Variants in AGBL1 observed in about 807,000 individuals in gnomAD.
The protein encoded by AGBL1 is cytosolic carboxypeptidase 4.
A neutral mutation model predicts 118.9 loss-of-function variants in AGBL1; 130 were observed. The ratio of observed to expected loss-of-function variants is 1.09; its 90% CI spans 0.95 to 1.26. The LOEUF (loss-of-function observed/expected upper bound fraction) is 1.26, where lower values mean the gene tolerates loss of function less well. AGBL1 is among the 50% of genes most tolerant of loss of function. The pLI is 0.00. For synonymous variants in AGBL1, 555 were observed against 478.9 expected, an observed-to-expected ratio of 1.16 and a Z score of -2.08; for missense variants, 1,584 against 1,298.1, an observed-to-expected ratio of 1.22 and a Z score of -3.38.
chr15:86,222,974 G>T (rs992461574), intron 5 of AGBL1, among the ~76,000 whole-genome samples: 7 of 152,104 alleles, frequency 4.6e-5, no homozygotes, highest in African/African-American at 1.7e-4. Context: ...AGCAGGCCAG[G>T]GATGTGGTTT....
At chr15:86,474,751 A>T (rs374302318) in intron 18 of AGBL1, among the ~76,000 whole-genome samples, 1 of 152,232 alleles carries the variant, frequency 6.6e-6, no homozygotes, top group South Asian at 2.1e-4. Flanking sequence ...ATGGAGGTTG[A>T]GACCTGAGAA....
At chr15:86,244,281 A>G (rs144899387) in intron 6 of AGBL1, among the ~76,000 whole-genome samples, 2 of 152,250 alleles carry the variant, frequency 1.3e-5, no homozygotes, top group East Asian at 3.9e-4. Context: ...CCAGAGCAGT[A>G]TTCAAAAATG....
chr15:86,483,672 C>A (rs892199118), intron 18 of AGBL1, among the ~76,000 whole-genome samples: 7 of 152,102 alleles, frequency 4.6e-5, no homozygotes, highest in South Asian at 4.1e-4. Context: ...CAATCACTGT[C>A]TATTGTCATT....
At chr15:86,682,990 C>G (rs1291509805) in intron 22 of AGBL1, among the ~76,000 whole-genome samples, 3 of 152,068 alleles carry the variant, frequency 2.0e-5, no homozygotes, top group African/African-American at 7.2e-5. Flanking sequence ...ACTGCACTGG[C>G]ATTTGAATCT....
intron 22 of AGBL1, among the ~76,000 whole-genome samples, chr15:86,763,471 A>G (rs1187104895): frequency 3.3e-5 from 5 of 152,042 alleles, no homozygotes; most frequent in African/African-American, 1.2e-4. Context: ...ACACATATTT[A>G]AAGATGATGG....
chr15:86,460,785 C>T (rs1487442743), intron 18 of AGBL1, among the ~76,000 whole-genome samples: 3 of 152,190 alleles, frequency 2.0e-5, no homozygotes, highest in East Asian at 1.9e-4. Flanking sequence ...TCCTTTAGTG[C>T]TGGTTCTGTG....
At chr15:86,446,303 C>T (rs2082119763) in intron 18 of AGBL1, among the ~76,000 whole-genome samples, 2 of 152,140 alleles carry the variant, frequency 1.3e-5, no homozygotes, top group Admixed American at 1.3e-4. Flanking sequence ...GAGCTGGCTG[C>T]ACAGTTGTTC....
At chr15:86,117,315 CT>C (rs954225504) in intron 1 of AGBL1, among the ~76,000 whole-genome samples, 75 of 152,014 alleles carry the variant, frequency 4.9e-4, no homozygotes, top group Admixed American at 2.2e-3. Context: ...TCCTGACCAA[CT>C]TTTTTTTCCC....
chr15:86,629,846 AAAG>A (rs1307831698), intron 21 of AGBL1, among the ~76,000 whole-genome samples: 4 of 152,342 alleles, frequency 2.6e-5, no homozygotes, highest in Non-Finnish European at 4.4e-5. Context: ...AAAAGGAAAA[AAAG>A]AGAAAGAAGA....
chr15:86,944,996 T>TCATTGTTTACAATGTCA (rs1202773684), intron 23 of AGBL1, among the ~76,000 whole-genome samples: 3 of 152,140 alleles, frequency 2.0e-5, no homozygotes, highest in Admixed American at 2.0e-4. Flanking sequence ...ATTTGTCACA[T>TCATTGTTTACAATGTCA]CATTGTTTAC....
intron 22 of AGBL1, among the ~76,000 whole-genome samples, chr15:86,862,707 G>C (rs776941458): frequency 6.6e-6 from 1 of 152,162 alleles, no homozygotes; most frequent in Non-Finnish European, 1.5e-5. Context: ...TTGACAGAAC[G>C]AGACTCCATC....
At chr15:86,454,630 A>G (rs2082238135) in intron 18 of AGBL1, among the ~76,000 whole-genome samples, 1 of 152,206 alleles carries the variant, frequency 6.6e-6, no homozygotes, top group Non-Finnish European at 1.5e-5. Flanking sequence ...TGATCAGCCA[A>G]ATAAACCAAA....
At chr15:86,328,056 T>C (rs1388010415) in intron 17 of AGBL1, among the ~76,000 whole-genome samples, 1 of 152,248 alleles carries the variant, frequency 6.6e-6, no homozygotes, top group Non-Finnish European at 1.5e-5. Context: ...AATACATAAT[T>C]TTCTGTTATT....
chr15:86,648,549 G>A (rs538118329), intron 21 of AGBL1, among the ~76,000 whole-genome samples: 3 of 152,156 alleles, frequency 2.0e-5, no homozygotes, highest in Non-Finnish European at 4.4e-5. Context: ...AAAATGTTTT[G>A]TGTAAGATTT....
At chr15:86,123,980 G>C (rs1886648647) in intron 1 of AGBL1, among the ~76,000 whole-genome samples, 1 of 152,164 alleles carries the variant, frequency 6.6e-6, no homozygotes, top group African/African-American at 2.4e-5. Flanking sequence ...TATTGGAATG[G>C]AACGAGGACA....
At chr15:86,991,271 T>G (rs1430833375) in intron 24 of AGBL1, among the ~76,000 whole-genome samples, 1 of 152,164 alleles carries the variant, frequency 6.6e-6, no homozygotes, top group African/African-American at 2.4e-5. Context: ...CTGTGCATTC[T>G]TAGTGTGATG....
chr15:86,142,496 A>T (rs1247870448), intron 2 of AGBL1, among the ~76,000 whole-genome samples: 1 of 152,212 alleles, frequency 6.6e-6, no homozygotes, highest in Non-Finnish European at 1.5e-5. Context: ...CATTGGAATC[A>T]ACTGGATTAA....
chr15:86,152,762 C>T (rs910307517), intron 3 of AGBL1, among the ~76,000 whole-genome samples: 1 of 152,098 alleles, frequency 6.6e-6, no homozygotes, highest in Non-Finnish European at 1.5e-5. Context: ...TTGCAATCTA[C>T]CTATCTGACA....
rs2080254912 is a variant in AGBL1 at position 86,330,642 on chromosome 15, T to C, written c.2374+35234T>C. Among the ~76,000 whole-genome samples the C allele has an allele frequency of 2.6e-5, 4 of 152,114 alleles. No homozygotes were observed. The South Asian group carries it at 6.2e-4, about 24-fold the overall frequency. On this transcript the variant is annotated intron_variant, in intron 17 of 22. Transcript: ENST00000614907. ...AATGGTCTCTAACCAAAATGGAAAC[T>C]CAGGAATGACAGATAAAGAATTCAA... is the stretch of plus-strand genomic sequence containing the variant.
Sources: gnomAD v4.1 joint callset for allele counts (sites outside exome capture counted in the v4.1 genomes callset) on GRCh38, gnomAD v4.1.1 for gene constraint, MANE v1.5 for transcripts, NCBI Gene and HGNC (gene_info 2026-07-23, HGNC 2026-07-21) for gene names.